Variants in MNAT1 observed in about 807,000 individuals in gnomAD.
MNAT1 encodes the protein MNAT1 component of CDK activating kinase.
A neutral mutation model predicts 42.0 loss-of-function variants in MNAT1; 43 were observed. The observed-to-expected ratio is 1.02, with a 90% confidence interval of 0.80 to 1.32. The LOEUF is 1.32. MNAT1 is among the 40% of genes most tolerant of loss of function. The pLI, the probability that MNAT1 is intolerant of heterozygous loss-of-function variation, is 0.00. For synonymous variants in MNAT1, 118 were observed against 120.0 expected (o/e 0.98, Z 0.11); for missense variants, 306 against 350.4 (o/e 0.87, Z 1.01).
At chr14:60,812,189 G>T (rs2032574076) in intron 5 of MNAT1, 62 bp downstream of exon 5, 1 of 1,428,114 alleles carries the variant, frequency 7.0e-7, no homozygotes. Flanking sequence ...TTTCCTAGTA[G>T]GCTGGATGAT....
At chr14:60,825,874 TA>T (rs1389679321) in intron 6 of MNAT1, among the ~76,000 whole-genome samples, 3 of 152,182 alleles carry the variant, frequency 2.0e-5, no homozygotes, top group Admixed American at 1.3e-4. Context: ...CTGCTCTACT[TA>T]AAAAAAGTCA....
At chr14:60,806,152 C>T (rs1390714784) in intron 3 of MNAT1, among the ~76,000 whole-genome samples, 1 of 152,110 alleles carries the variant, frequency 6.6e-6, no homozygotes, top group Non-Finnish European at 1.5e-5. Flanking sequence ...TCTAATAGGT[C>T]AGACAAGATG....
intron 1 of MNAT1, among the ~76,000 whole-genome samples, chr14:60,745,790 T>C (rs1478805574): frequency 6.6e-6 from 1 of 152,182 alleles, no homozygotes; most frequent in Non-Finnish European, 1.5e-5. Flanking sequence ...TTTTTTGTTG[T>C]ATAGTTCTGA....
intron 1 of MNAT1, among the ~76,000 whole-genome samples, chr14:60,772,168 AG>A (rs2031084096): frequency 6.6e-6 from 1 of 152,230 alleles, no homozygotes; most frequent in South Asian, 2.1e-4. Flanking sequence ...AGGCTGAGGC[AG>A]GAGCATTGCT....
At position 60,849,832 on chromosome 14, in the gene MNAT1, GTTTC is replaced by G. The variant is rs1204671537; in HGVS notation, c.688-29870_688-29867del. ...CCTATATTGCTGTTGTGTATCCTTA[GTTTC>G]TTTCTTTCTTTTTTTTTTTAAATGG... On this transcript the variant is annotated intron_variant, in intron 6 of 7. Coordinates refer to ENST00000261245, the MANE Select transcript of MNAT1 (RefSeq NM_002431.4). 4.6e-5 allele frequency among the ~76,000 whole-genome samples: 7 copies of G among 151,732 alleles called. No individual in the cohort carries two copies. In the South Asian group the frequency reaches 1.5e-3, roughly 32 times the overall value.
At chr14:60,826,919 A>G (rs1422993996) in intron 6 of MNAT1, among the ~76,000 whole-genome samples, 4 of 152,074 alleles carry the variant, frequency 2.6e-5, no homozygotes, top group Non-Finnish European at 4.4e-5. Context: ...ATTTGTGTCA[A>G]TAAATATCCA....
chr14:60,914,154 G>C (rs57733236), intron 7 of MNAT1, among the ~76,000 whole-genome samples: 5 of 152,228 alleles, frequency 3.3e-5, no homozygotes, highest in African/African-American at 1.2e-4. Flanking sequence ...CTGGTGTGCC[G>C]TTTGTTAAGC....
At chr14:60,809,124 A>C (rs77043444) in intron 4 of MNAT1, 32 of 152,264 alleles carry the variant, frequency 2.1e-4, no homozygotes, top group African/African-American at 7.7e-4. Flanking sequence ...TAATTTATAC[A>C]CTTTAGCTAT....
intron 7 of MNAT1, among the ~76,000 whole-genome samples, chr14:60,965,799 C>A (rs997660665): frequency 6.6e-6 from 1 of 152,144 alleles, no homozygotes; most frequent in Non-Finnish European, 1.5e-5. Context: ...AAGGGTGATA[C>A]ATTATCATCT....
intron 6 of MNAT1, among the ~76,000 whole-genome samples, chr14:60,828,300 C>T (rs931100861): frequency 2.0e-5 from 3 of 152,018 alleles, no homozygotes; most frequent in African/African-American, 7.3e-5. Context: ...TCTCAGGATG[C>T]CTGGCTCGTT....
intron 7 of MNAT1, among the ~76,000 whole-genome samples, chr14:60,897,729 T>C (rs1480786903): frequency 6.6e-6 from 1 of 152,188 alleles, no homozygotes; most frequent in East Asian, 1.9e-4. Context: ...GTATTTATTA[T>C]TTCTATGTGT....
intron 7 of MNAT1, among the ~76,000 whole-genome samples, chr14:60,939,727 T>C (rs2036098452): frequency 6.6e-6 from 1 of 152,128 alleles, no homozygotes; most frequent in Non-Finnish European, 1.5e-5. Flanking sequence ...GGTTGGAGAG[T>C]TCTGTAGATG....
At chr14:60,794,604 T>C (rs1284416558) in intron 1 of MNAT1, among the ~76,000 whole-genome samples, 2 of 125,890 alleles carry the variant, frequency 1.6e-5, no homozygotes, top group Non-Finnish European at 3.1e-5. Flanking sequence ...AGGGCAAGGC[T>C]GCAGAGAGCT....
intron 2 of MNAT1, among the ~76,000 whole-genome samples, chr14:60,797,604 T>C (rs1377085677): frequency 6.6e-6 from 1 of 152,136 alleles, no homozygotes; most frequent in Non-Finnish European, 1.5e-5. Context: ...ATTGCATTTT[T>C]GGTCTGGTTA....
At chr14:60,931,454 T>C (rs1045870094) in intron 7 of MNAT1, among the ~76,000 whole-genome samples, 3 of 151,982 alleles carry the variant, frequency 2.0e-5, no homozygotes, top group African/African-American at 7.3e-5. Flanking sequence ...TGCCAGAGAG[T>C]ATGTGCAGCT....
At chr14:60,941,860 C>G (rs578261263) in intron 7 of MNAT1, among the ~76,000 whole-genome samples, 1 of 151,020 alleles carries the variant, frequency 6.6e-6, no homozygotes, top group Non-Finnish European at 1.5e-5. Context: ...AAAAATTAGC[C>G]GGGCGTAATG....
intron 4 of MNAT1, among the ~76,000 whole-genome samples, chr14:60,810,386 G>T (rs2032505882): frequency 6.6e-6 from 1 of 151,598 alleles, no homozygotes; most frequent in Non-Finnish European, 1.5e-5. Context: ...TGCTTACTTT[G>T]AGCTCAGTTT....
chr14:60,757,069 A>T (rs190102050), intron 1 of MNAT1, among the ~76,000 whole-genome samples: 24 of 152,282 alleles, frequency 1.6e-4, no homozygotes, highest in African/African-American at 5.3e-4. Context: ...AGGCTATTTG[A>T]CTTGTTAGTT....
At chr14:60,863,882 G>A (rs1405976654) in intron 6 of MNAT1, among the ~76,000 whole-genome samples, 1 of 152,042 alleles carries the variant, frequency 6.6e-6, no homozygotes, top group Non-Finnish European at 1.5e-5. Flanking sequence ...CAGCTTTCTA[G>A]AAAGGCAATT....
Sources: allele counts gnomAD v4.1 joint callset (sites outside exome capture counted in the v4.1 genomes callset), GRCh38; gene constraint gnomAD v4.1.1; transcripts MANE v1.5; gene names NCBI Gene and HGNC (gene_info 2026-07-23, HGNC 2026-07-21).